Variants in SEMA7A observed in about 807,000 individuals in gnomAD.
SEMA7A encodes semaphorin-7A.
SEMA7A carries 21 observed loss-of-function variants against 67.5 expected under a neutral mutation model. The ratio of observed to expected loss-of-function variants is 0.31; its 90% confidence interval spans 0.22 to 0.45. SEMA7A has a LOEUF of 0.45. Ranked by LOEUF, SEMA7A falls within the 20% of genes least tolerant of loss-of-function variation. SEMA7A has a pLI of 1.00. For synonymous variants in SEMA7A, 364 were observed against 368.5 expected (o/e 0.99, Z 0.14); for missense variants, 774 against 908.6 (o/e 0.85, Z 1.90).
intron 1 of SEMA7A, among the ~76,000 whole-genome samples, chr15:74,422,558 C>T: frequency 6.6e-6 from 1 of 152,216 alleles, no homozygotes; most frequent in East Asian, 1.9e-4. Flanking sequence ...CCATAGTTCC[C>T]CTGAGTACCA....
chr15:74,411,142 CCCA>C lies in SEMA7A; in HGVS notation c.1639+150_1639+152del. 7.4e-7 allele frequency: 1 copy of C among 1,342,884 alleles called. No individual in the cohort carries two copies. The highest frequency in any genetic ancestry group is 2.6e-5 in the Admixed American group (1 of 38,614). 83.2% of individuals were successfully genotyped at this position (1,342,884 alleles called of 1,614,324 possible). A position where few individuals can be genotyped will look rare whatever the true frequency, so the allele number is the denominator to read the frequency against. On this transcript the variant is annotated intron_variant, in intron 13 of 13. Coordinates refer to ENST00000261918, the MANE Select transcript of SEMA7A (RefSeq NM_003612.5). The surrounding 1 kb of genome is among the most constrained non-coding windows in gnomAD (Gnocchi z 4.4). The stretch of plus-strand genomic sequence containing the variant: ...TCCTTTTTTCTCCCGTCTCGCTCAT[CCCA>C]CCAAGAGGGCTCCCTCTGCAGGACT...
chr15:74,412,083 G>T, intron 10 of SEMA7A, 71 bp from the exon 11 acceptor site: 5 of 1,576,520 alleles, frequency 3.2e-6, no homozygotes. Context: ...CCTCTAGGCC[G>T]GGGAGGGGTG....
intron 1 of SEMA7A, among the ~76,000 whole-genome samples, chr15:74,421,684 T>C (rs1482938453): frequency 6.6e-6 from 1 of 152,142 alleles, no homozygotes; most frequent in Non-Finnish European, 1.5e-5. Context: ...GGCCTGATTG[T>C]GCCCGGGAAG....
At chr15:74,433,350 G>A (rs1567081345) in intron 1 of SEMA7A, among the ~76,000 whole-genome samples, 1 of 151,666 alleles carries the variant, frequency 6.6e-6, no homozygotes, top group Non-Finnish European at 1.5e-5. Flanking sequence ...TCAAAAGGAG[G>A]GTACCCGGGT....
At position 74,423,833 on chromosome 15, in the gene SEMA7A, G is replaced by A. The variant is rs11856835; in HGVS notation, c.179-4881C>T. Among the ~76,000 whole-genome samples, 48,245 of 152,176 alleles carry A rather than the reference G, an allele frequency of 0.32. 10,323 individuals are homozygous for A. Among genetic ancestry groups the A allele is most frequent in the Non-Finnish European group, 0.49 (33,144 of 67,982 alleles). On this transcript the variant is annotated intron_variant, in intron 1 of 13. Transcript: ENST00000261918. The surrounding 1 kb of genome is among the most constrained non-coding windows in gnomAD (Gnocchi z 4.1). ...GTCTCTCCTGATATGGCCAGGAAGA[G>A]GGTGTGAGAAGCCTGGTTTCCAGGG...
intron 10 of SEMA7A, among the ~76,000 whole-genome samples, chr15:74,413,410 CCTT>C (rs1287273915): frequency 6.6e-6 from 1 of 152,226 alleles, no homozygotes; most frequent in Admixed American, 6.5e-5. Flanking sequence ...AACGAAGACA[CCTT>C]CTCTAATCAC....
At chr15:74,417,733 G>A in intron 4 of SEMA7A, 58 bp from the exon 5 acceptor site, 1 of 1,557,946 alleles carries the variant, frequency 6.4e-7, no homozygotes, top group Non-Finnish European at 8.8e-7. Context: ...TGCCTCCCAT[G>A]ACGGCCAGTT....
At chr15:74,417,233 G>A in intron 6 of SEMA7A, 102 bp downstream of exon 6, 1 of 892,038 alleles carries the variant, frequency 1.1e-6, no homozygotes, top group Non-Finnish European at 1.8e-6. Context: ...CATGGCCCCA[G>A]CGGCCCTCAG....
intron 8 of SEMA7A, among the ~76,000 whole-genome samples, chr15:74,415,568 G>A (rs183405380): frequency 9.9e-5 from 15 of 152,152 alleles, no homozygotes; most frequent in Admixed American, 7.2e-4. Flanking sequence ...GTGCAGTCAT[G>A]AGTGTGCATA....
intron 7 of SEMA7A, among the ~76,000 whole-genome samples, chr15:74,416,341 AC>A: frequency 6.6e-6 from 1 of 151,336 alleles, no homozygotes; most frequent in South Asian, 2.1e-4. Context: ...ACACACACAC[AC>A]CCCATCATAC....
chr15:74,431,982 G>A (rs560329856), intron 1 of SEMA7A, among the ~76,000 whole-genome samples: 28 of 151,326 alleles, frequency 1.9e-4, no homozygotes, highest in Non-Finnish European at 1.0e-4. Context: ...TGGGAGCTTC[G>A]AAAAGTGGGT....
chr15:74,426,669 G>A lies in SEMA7A; in HGVS notation c.178+7072C>T, dbSNP rs79637624. Among the ~76,000 whole-genome samples, 458 of 152,198 alleles carry A rather than the reference G, an allele frequency of 3.0e-3. 5 individuals carry two copies. Among genetic ancestry groups the A allele is most frequent in the East Asian group, 0.025 (131 of 5,168 alleles). On this transcript the variant is annotated intron_variant, in intron 1 of 13. Transcript: ENST00000261918. Reference sequence around the variant, plus strand: ...CTCATGCCTGTTATCCCAGCACTTCGGGAGACCAAGGCAGAAGGATCACAT... The same window carrying A: ...CTCATGCCTGTTATCCCAGCACTTCAGGAGACCAAGGCAGAAGGATCACAT...
chr15:74,411,754 C>T lies in SEMA7A; in HGVS notation c.1423-44G>A, dbSNP rs1567069798. 2 of 1,607,646 alleles carry T rather than the reference C, an allele frequency of 1.2e-6. No individual in the cohort carries two copies. Among genetic ancestry groups the T allele is most frequent in the East Asian group, 2.2e-5 (1 of 44,858 alleles). On this transcript the variant is annotated intron_variant, in intron 11 of 13. Coordinates refer to ENST00000261918, the MANE Select transcript of SEMA7A (RefSeq NM_003612.5). This position sits in a 1 kb window ranked among gnomAD's most constrained non-coding sequence, Gnocchi z 4.4. The stretch of plus-strand genomic sequence containing the variant: ...TGGGTCAGGCCCGGGCCCCACCCCA[C>T]ACTCAGTCCTAAATGTCCAGGCCCT...
At chr15:74,433,463 G>T in intron 1 of SEMA7A, 1 of 838,406 alleles carries the variant, frequency 1.2e-6, no homozygotes, top group Non-Finnish European at 1.5e-6. Flanking sequence ...CCTGGCGCCC[G>T]GGCGTTGCGG....
At position 74,411,280 on chromosome 15, in the gene SEMA7A, G is replaced by T. The variant is rs767347934; in HGVS notation, c.1639+15C>A. The T allele has an allele frequency of 8.7e-6, 14 of 1,612,920 alleles. No homozygotes were observed. The East Asian group carries it at 3.1e-4, about 36-fold the overall frequency. On this transcript the variant is annotated intron_variant, in intron 13 of 13. Transcript: ENST00000261918. This position sits in a 1 kb window ranked among gnomAD's most constrained non-coding sequence, Gnocchi z 4.4. ...CTCATTGGGCCACAGCCGCCAGCAG[G>T]GCCAGATCAGGTACCTGGTTTGGGG...
chr15:74,419,053 A>G, intron 1 of SEMA7A, 101 bp from the exon 2 acceptor site: 1 of 1,376,942 alleles, frequency 7.3e-7, no homozygotes, highest in Non-Finnish European at 9.9e-7. Context: ...CTTGGTGCTC[A>G]GGGTCCTGGC....
chr15:74,431,817 G>A (rs1265692147), intron 1 of SEMA7A, among the ~76,000 whole-genome samples: 1 of 152,212 alleles, frequency 6.6e-6, no homozygotes, highest in Non-Finnish European at 1.5e-5. Context: ...ACCTGGCACT[G>A]GTGAAGGAGA....
Position 74,414,835 on chromosome 15 carries a change from C to T in SEMA7A, c.1095+3G>A. ...CCTGGGCCACGGCTGGTGTCACGCT[C>T]ACCTTGCCAGGCCGCGGGTTGGGAA... On this transcript the variant is annotated splice_donor_region_variant and intron_variant, in intron 9 of 13. Coordinates refer to ENST00000261918, the MANE Select transcript of SEMA7A (RefSeq NM_003612.5). This position sits in a 1 kb window ranked among gnomAD's most constrained non-coding sequence, Gnocchi z 4.1. The T allele has an allele frequency of 1.9e-6, 3 of 1,614,156 alleles. No homozygotes were observed. Among genetic ancestry groups the T allele is most frequent in the Non-Finnish European group, 2.5e-6 (3 of 1,179,982 alleles).
chr15:74,417,260 C>A, intron 6 of SEMA7A, 75 bp downstream of exon 6: 7 of 1,191,620 alleles, frequency 5.9e-6, no homozygotes, highest in Non-Finnish European at 8.7e-6. Flanking sequence ...CTCCCAGAAA[C>A]ATCAGGATCC....
Sources: gnomAD v4.1 joint callset for allele counts (sites outside exome capture counted in the v4.1 genomes callset) on GRCh38, gnomAD v4.1.1 for gene constraint, Gnocchi (gnomAD v3.1) non-coding constraint, MANE v1.5 for transcripts, NCBI Gene and HGNC (gene_info 2026-07-23, HGNC 2026-07-21) for gene names.